The following INPP4B variants were observed in gnomAD, a reference collection of about 807,000 sequenced individuals.
INPP4B encodes inositol polyphosphate 4-phosphatase type II.
In INPP4B, 55 loss-of-function variants were observed where a neutral mutation model predicts 122.5. That is an observed-to-expected ratio of 0.45 (90% CI 0.36 to 0.56). The LOEUF (loss-of-function observed/expected upper bound fraction) is 0.56, where lower values mean the gene tolerates loss of function less well. INPP4B is among the 20% of genes least tolerant of loss of function. The pLI, the probability that INPP4B is intolerant of heterozygous loss-of-function variation, is 0.00. For synonymous variants in INPP4B, 403 were observed against 388.7 expected (o/e 1.04, Z -0.43); for missense variants, 1,000 against 1,097.7 (o/e 0.91, Z 1.26).
At chr4:142,558,274 G>C (rs184539399) in intron 2 of INPP4B, among the ~76,000 whole-genome samples, 6 of 152,030 alleles carry the variant, frequency 3.9e-5, no homozygotes, top group Admixed American at 3.9e-4. Flanking sequence ...GTTGTGGCTT[G>C]ACAGATATCC....
At chr4:142,299,995 A>G (rs1243415704) in intron 9 of INPP4B, among the ~76,000 whole-genome samples, 1 of 152,220 alleles carries the variant, frequency 6.6e-6, no homozygotes, top group Non-Finnish European at 1.5e-5. Context: ...TGCTTAAAGT[A>G]AGAAGACATA....
At chr4:142,419,615 A>T (rs989764287) in intron 5 of INPP4B, among the ~76,000 whole-genome samples, 6 of 152,172 alleles carry the variant, frequency 3.9e-5, no homozygotes, top group Non-Finnish European at 7.3e-5. Flanking sequence ...TCCACTACAA[A>T]ACAGGAATAA....
At chr4:142,102,520 A>ACGT (rs920564239) in intron 23 of INPP4B, among the ~76,000 whole-genome samples, 5 of 144,342 alleles carry the variant, frequency 3.5e-5, no homozygotes, top group Non-Finnish European at 6.0e-5. Flanking sequence ...AGCGTGAGAG[A>ACGT]CGTGAGAGAA....
At chr4:142,795,441 G>A (rs985330249) in intron 1 of INPP4B, 2 of 151,884 alleles carry the variant, frequency 1.3e-5, no homozygotes, top group South Asian at 2.1e-4. Flanking sequence ...TATACCTTAT[G>A]CATATTTTAT....
chr4:142,334,481 T>G (rs573972348), intron 7 of INPP4B, among the ~76,000 whole-genome samples: 2 of 152,316 alleles, frequency 1.3e-5, no homozygotes, highest in South Asian at 4.1e-4. Flanking sequence ...GAAGTGGAAT[T>G]GCTGGGTCAT....
At chr4:142,034,153 A>G (rs1742295640) in intron 25 of INPP4B, among the ~76,000 whole-genome samples, 1 of 152,224 alleles carries the variant, frequency 6.6e-6, no homozygotes. Flanking sequence ...ACATATAAAT[A>G]TATCAACTAT....
chr4:142,462,230 G>T (rs1226855992), intron 3 of INPP4B, among the ~76,000 whole-genome samples: 1 of 152,052 alleles, frequency 6.6e-6, no homozygotes, highest in Non-Finnish European at 1.5e-5. Flanking sequence ...TTATCCCATA[G>T]AATTCTGTTA....
chr4:142,237,782 A>G, intron 12 of INPP4B, 82 bp downstream of exon 12: 1 of 778,622 alleles, frequency 1.3e-6, no homozygotes, highest in South Asian at 3.0e-5. Flanking sequence ...AATGTTGCAC[A>G]GATTATATAT....
At position 142,502,274 on chromosome 4, in the gene INPP4B, AC is replaced by A. The variant is rs1395261632; in HGVS notation, c.-190-39549del. Among the ~76,000 whole-genome samples the A allele has an allele frequency of 5.3e-5, 8 of 152,094 alleles. 1 individual carries two copies. ...TCCTGAGGCACCTGGAGGAGGTCAC[AC>A]CCAGGACCCAGAGCTAACATTCTTT... is the stretch of plus-strand genomic sequence containing the variant. On this transcript the variant is annotated intron_variant, in intron 2 of 25. Transcript: ENST00000262992.
At chr4:142,410,230 A>G (rs1157429311) in intron 5 of INPP4B, among the ~76,000 whole-genome samples, 1 of 152,204 alleles carries the variant, frequency 6.6e-6, no homozygotes, top group Non-Finnish European at 1.5e-5. Flanking sequence ...TAAAGCATAC[A>G]TTAGACAAGG....
At chr4:142,821,641 AT>A (rs1168475593) in intron 1 of INPP4B, among the ~76,000 whole-genome samples, 3 of 152,104 alleles carry the variant, frequency 2.0e-5, no homozygotes, top group Non-Finnish European at 4.4e-5. Context: ...ATATTTTCCT[AT>A]GTATTCAACA....
At chr4:142,146,767 A>G (rs898711504) in intron 17 of INPP4B, among the ~76,000 whole-genome samples, 2 of 152,144 alleles carry the variant, frequency 1.3e-5, no homozygotes, top group Admixed American at 1.3e-4. Context: ...GATACTTCTG[A>G]CCATACTGTC....
chr4:142,844,529 T>C lies in INPP4B; in HGVS notation c.-254+1680A>G, dbSNP rs138767477. ...CGAGGTTCAACCTTCAATGCCCATG[T>C]ACCTTTCACAAAACTATTGATCATT... On this transcript the variant is annotated intron_variant, in intron 1 of 25. Transcript: ENST00000262992. Among the ~76,000 whole-genome samples, 97 of 152,376 alleles carry C rather than the reference T, an allele frequency of 6.4e-4. No individual in the cohort carries two copies. The Middle Eastern group carries it at 0.017, about 27-fold the overall frequency.
At chr4:142,221,325 G>A (rs114780771) in intron 12 of INPP4B, among the ~76,000 whole-genome samples, 2,268 of 148,416 alleles carry the variant, frequency 0.015, 67 homozygotes, top group African/African-American at 0.054. Flanking sequence ...GTGTGAACCC[G>A]GGAGTAGTGA....
intron 7 of INPP4B, among the ~76,000 whole-genome samples, chr4:142,398,725 G>A (rs1484690263): frequency 6.6e-6 from 1 of 151,926 alleles, no homozygotes; most frequent in Non-Finnish European, 1.5e-5. Context: ...ACTGCCCTGG[G>A]CATATAACAC....
chr4:142,755,741 T>C (rs1399146100), intron 1 of INPP4B, among the ~76,000 whole-genome samples: 1 of 152,112 alleles, frequency 6.6e-6, no homozygotes, highest in African/African-American at 2.4e-5. Context: ...CTTTGCCCTA[T>C]AAAATGTTTG....
intron 1 of INPP4B, among the ~76,000 whole-genome samples, chr4:142,751,283 CAAAAA>C (rs70949187): frequency 0.083 from 8,768 of 105,050 alleles, 243 homozygotes; most frequent in Middle Eastern, 0.15. Flanking sequence ...TTAACTGTGT[CAAAAA>C]AAAAAAAAAA....
intron 2 of INPP4B, among the ~76,000 whole-genome samples, chr4:142,713,649 C>G (rs1041802818): frequency 6.6e-6 from 1 of 152,180 alleles, no homozygotes; most frequent in Middle Eastern, 3.2e-3. Flanking sequence ...CCAAAATCAA[C>G]CTTTCCAGAA....
chr4:142,510,810 G>C (rs560181919), intron 2 of INPP4B, among the ~76,000 whole-genome samples: 14 of 152,250 alleles, frequency 9.2e-5, no homozygotes, highest in African/African-American at 3.1e-4. Context: ...TGTATGAGAA[G>C]TAAAATTATG....
Sources: allele counts gnomAD v4.1 joint callset (sites outside exome capture counted in the v4.1 genomes callset), GRCh38; gene constraint gnomAD v4.1.1; transcripts MANE v1.5; gene names NCBI Gene and HGNC (gene_info 2026-07-23, HGNC 2026-07-21).